The following CD9 variants were observed in gnomAD, a reference collection of about 807,000 sequenced individuals.
CD9 encodes CD9 molecule.
CD9 carries 10 observed loss-of-function variants against 31.4 expected under a neutral mutation model. The ratio of observed to expected loss-of-function variants is 0.32; its 90% CI spans 0.20 to 0.54. The LOEUF is 0.54. Ranked by LOEUF, CD9 falls within the 20% of genes least tolerant of loss-of-function variation. CD9 has a pLI of 0.94. For synonymous variants in CD9, 113 were observed against 114.1 expected (o/e 0.99, Z 0.06); for missense variants, 259 against 300.1 (o/e 0.86, Z 1.01).
At position 6,232,263 on chromosome 12, in the gene CD9, T is replaced by G. The variant is rs949181243; in HGVS notation, c.176-369T>G. The G allele has an allele frequency of 8.9e-6, 3 of 338,410 alleles. No individual in the cohort carries two copies. Among genetic ancestry groups the G allele is most frequent in the Admixed American group, 4.4e-5 (1 of 22,838 alleles). The allele number at this position is 338,410 out of a possible 1,614,324, so 21.0% of individuals were successfully genotyped here. ...TGTGGAAGGTATATGCTAACTAGCT[T>G]GAGTGGATTCATCTTGCTGGAAAGA... On this transcript the variant is annotated intron_variant, in intron 2 of 7. Coordinates refer to ENST00000009180, the MANE Select transcript of CD9 (RefSeq NM_001769.4). The surrounding 1 kb of genome is among the most constrained non-coding windows in gnomAD (Gnocchi z 4.8).
rs1321982731 is a variant in CD9 at position 6,237,900 on chromosome 12, TTTTG to T, written c.*79_*82del. ...TGGGATTTTTTGTTTGTTTGTTTTG[TTTTG>T]TTTGTTGTTTGTTGTTTGTTTTTTT... On this transcript the variant is annotated 3_prime_UTR_variant, in exon 8 of 8. Transcript: ENST00000009180. 6.7e-6 allele frequency: 8 copies of T among 1,199,322 alleles called. No homozygotes were observed. The highest frequency in any genetic ancestry group is 4.5e-5 in the African/African-American group (3 of 66,848). 74.3% of individuals were successfully genotyped at this position (1,199,322 alleles called of 1,614,324 possible). A position where few individuals can be genotyped will look rare whatever the true frequency, so the allele number is the denominator to read the frequency against.
At chr12:6,209,479 C>G (rs1198391217) in intron 1 of CD9, among the ~76,000 whole-genome samples, 1 of 152,150 alleles carries the variant, frequency 6.6e-6, no homozygotes, top group African/African-American at 2.4e-5. Context: ...CTCCTGCTCT[C>G]CATGGTGCAA....
At chr12:6,236,545 G>T (rs1946526268) in intron 7 of CD9, 1 of 509,186 alleles carries the variant, frequency 2.0e-6, no homozygotes, top group South Asian at 3.4e-5. Context: ...GGGCACATGG[G>T]TGGCAGTGCT....
chr12:6,217,514 G>A (rs1259697752), intron 1 of CD9, among the ~76,000 whole-genome samples: 2 of 152,164 alleles, frequency 1.3e-5, no homozygotes, highest in Non-Finnish European at 2.9e-5. Flanking sequence ...CTGGGTGACA[G>A]ATTGAGACCT....
intron 2 of CD9, among the ~76,000 whole-genome samples, chr12:6,228,497 A>T (rs1946397774): frequency 1.4e-5 from 2 of 139,840 alleles, no homozygotes; most frequent in African/African-American, 2.6e-5. Context: ...GGTTGCAGAG[A>T]GCTGAGATCA....
Position 6,235,462 on chromosome 12 carries a change from C to T in CD9, c.448-14C>T, listed in dbSNP as rs1946507346. On this transcript the variant is annotated splice_polypyrimidine_tract_variant and intron_variant, in intron 5 of 7. Coordinates refer to ENST00000009180, the MANE Select transcript of CD9 (RefSeq NM_001769.4). ...TTTGTTTCTCTCATCCCCATCCCTG[C>T]CTTCTCGCTGTAGTTGAACTGCTGT... is the stretch of plus-strand genomic sequence containing the variant. 11 of 1,613,806 alleles carry T rather than the reference C, an allele frequency of 6.8e-6. No individual in the cohort carries two copies. Among genetic ancestry groups the T allele is most frequent in the Admixed American group, 1.7e-5 (1 of 60,024 alleles).
intron 2 of CD9, among the ~76,000 whole-genome samples, chr12:6,228,167 G>A (rs541305389): frequency 3.9e-5 from 6 of 152,218 alleles, no homozygotes; most frequent in Non-Finnish European, 7.3e-5. Context: ...GGAAGAGAGC[G>A]GAGCTTTGAA....
intron 2 of CD9, chr12:6,226,247 G>T (rs1313007850): frequency 2.0e-5 from 3 of 152,120 alleles, no homozygotes; most frequent in Admixed American, 6.6e-5. Context: ...TCTCGTTGCC[G>T]TATCACCACG....
At chr12:6,206,025 G>A (rs1461258230) in intron 1 of CD9, 1 of 152,160 alleles carries the variant, frequency 6.6e-6, no homozygotes, top group African/African-American at 2.4e-5. Context: ...TGCAGAAACA[G>A]GCTTTACCCC....
At chr12:6,236,571 C>G (rs1196677392) in intron 7 of CD9, 2 of 472,328 alleles carry the variant, frequency 4.2e-6, no homozygotes, top group Non-Finnish European at 7.4e-6. Flanking sequence ...TGCTAGTCCT[C>G]GGAGCATGTC....
intron 1 of CD9, among the ~76,000 whole-genome samples, chr12:6,210,483 T>C (rs1344476501): frequency 2.0e-5 from 3 of 152,102 alleles, no homozygotes; most frequent in Admixed American, 1.3e-4. Context: ...GAGCACCCAC[T>C]ACCCCCACTG....
intron 2 of CD9, among the ~76,000 whole-genome samples, chr12:6,227,125 G>A (rs1946377949): frequency 6.6e-6 from 1 of 152,094 alleles, no homozygotes. Context: ...TATATTTTTA[G>A]ATGTGGGAGT....
At chr12:6,204,566 T>A (rs1946110209) in intron 1 of CD9, among the ~76,000 whole-genome samples, 2 of 152,006 alleles carry the variant, frequency 1.3e-5, no homozygotes, top group South Asian at 4.1e-4. Context: ...CTCTCAGGGG[T>A]GTTCATTGCC....
At chr12:6,223,261 CTTT>C (rs11307227) in intron 1 of CD9, among the ~76,000 whole-genome samples, 15 of 133,154 alleles carry the variant, frequency 1.1e-4, no homozygotes, top group South Asian at 2.4e-4. Flanking sequence ...CACCTTTGTA[CTTT>C]TTTTTTTTTT....
At position 6,234,984 on chromosome 12, in the gene CD9, A is replaced by G. The variant is rs563605345; in HGVS notation, c.349-245A>G. The stretch of plus-strand genomic sequence containing the variant: ...GCCAAGTAGAGCTGAAGGACTGACC[A>G]AAGTGTAAGGGACAGGGAGAAACAG... On this transcript the variant is annotated intron_variant, in intron 4 of 7. Transcript: ENST00000009180. Among the ~76,000 whole-genome samples the G allele has an allele frequency of 8.5e-5, 13 of 152,348 alleles. No homozygotes were observed. In the South Asian group the frequency reaches 2.7e-3, roughly 32 times the overall value.
chr12:6,237,281 T>G (rs1168785743), intron 7 of CD9, among the ~76,000 whole-genome samples: 4 of 151,856 alleles, frequency 2.6e-5, no homozygotes, highest in Non-Finnish European at 5.9e-5. Context: ...AGCCAAGATA[T>G]AACAATACGT....
chr12:6,223,672 A>G (rs4764487), intron 1 of CD9, among the ~76,000 whole-genome samples: 108,962 of 151,922 alleles, frequency 0.72, 40,548 homozygotes, highest in African/African-American at 0.93. Flanking sequence ...TGTGTACGTG[A>G]ATTCAAGCCA....
intron 1 of CD9, among the ~76,000 whole-genome samples, chr12:6,207,846 T>A (rs1325800223): frequency 2.6e-5 from 4 of 152,092 alleles, no homozygotes. Flanking sequence ...GAAACCCGGG[T>A]CTTAAGAGCC....
At chr12:6,226,677 G>T (rs574322533) in intron 2 of CD9, among the ~76,000 whole-genome samples, 48 of 152,240 alleles carry the variant, frequency 3.2e-4, no homozygotes, top group Admixed American at 3.1e-3. Flanking sequence ...GTTAGCTGGG[G>T]TTTTTTGGGG....
Sources: allele counts gnomAD v4.1 joint callset (sites outside exome capture counted in the v4.1 genomes callset), GRCh38; gene constraint gnomAD v4.1.1; non-coding constraint Gnocchi (gnomAD v3.1); transcripts MANE v1.5; gene names NCBI Gene and HGNC (gene_info 2026-07-23, HGNC 2026-07-21).